ZNF141: variants seen among roughly 807,000 people sequenced by gnomAD.
ZNF141 encodes the protein zinc finger protein 141, also known as zinc finger protein 141 (clone pHZ-44).
ZNF141 carries 7 observed loss-of-function variants against 11.3 expected under a neutral mutation model. That is an observed-to-expected ratio of 0.62 (90% CI 0.35 to 1.16). The LOEUF is 1.16. ZNF141 is among the 50% of genes most tolerant of loss of function. The pLI is 0.02. For missense variants in ZNF141, 535 were observed against 554.0 expected, an observed-to-expected ratio of 0.97 and a Z score of 0.34; for synonymous variants, 183 against 190.7, an observed-to-expected ratio of 0.96 and a Z score of 0.33.
chr4:351,234 A>G (rs1581594985), intron 3 of ZNF141, among the ~76,000 whole-genome samples: 1 of 142,198 alleles, frequency 7.0e-6, no homozygotes, highest in Non-Finnish European at 1.5e-5. Flanking sequence ...AGCCAGTTAA[A>G]CCTTTTTTTT....
intron 1 of ZNF141, among the ~76,000 whole-genome samples, chr4:339,267 C>G (rs530966762): frequency 1.3e-4 from 20 of 152,348 alleles, no homozygotes; most frequent in Non-Finnish European, 2.5e-4. Context: ...CCCACCCAGG[C>G]TTTTGGACCA....
chr4:348,094 T>G (rs1186902450), intron 3 of ZNF141, among the ~76,000 whole-genome samples: 1 of 152,194 alleles, frequency 6.6e-6, no homozygotes, highest in Non-Finnish European at 1.5e-5. Flanking sequence ...TCTGCCTGCC[T>G]CGGCCTCCCA....
rs915266597 is a variant in ZNF141, at chr4:374,100, A to G, written c.*238A>G. 8.7e-5 allele frequency: 47 copies of G among 538,400 alleles called. No individual in the cohort carries two copies. The highest frequency in any genetic ancestry group is 6.1e-4 in the Admixed American group (18 of 29,530). The allele number at this position is 538,400 out of a possible 1,614,324, so 33.4% of individuals were successfully genotyped here. ...GTCCACAAACCTGAATGAGCAGAAGAAAATTATTACTGGAGATAAACCCTG... is the reference window on the plus strand; with the variant it reads ...GTCCACAAACCTGAATGAGCAGAAGGAAATTATTACTGGAGATAAACCCTG... On this transcript the variant is annotated 3_prime_UTR_variant, in exon 4 of 4. Coordinates refer to ENST00000240499, the MANE Select transcript of ZNF141 (RefSeq NM_003441.4).
Position 362,803 on chromosome 4 carries a change from A to G in ZNF141, c.227-9861A>G, listed in dbSNP as rs1444406439. On this transcript the variant is annotated intron_variant, in intron 3 of 3. Coordinates refer to ENST00000240499, the MANE Select transcript of ZNF141 (RefSeq NM_003441.4). ...TAGCCTTGTAGCATGATTTGAAGTC[A>G]GGTAGCGTGATGCCTCCAGCTTTGT... Among the ~76,000 whole-genome samples the G allele has an allele frequency of 3.3e-5, 5 of 152,336 alleles. No homozygotes were observed. The East Asian group carries it at 9.7e-4, about 29-fold the overall frequency.
At chr4:345,562 C>T (rs1250376785) in intron 3 of ZNF141, among the ~76,000 whole-genome samples, 1 of 151,846 alleles carries the variant, frequency 6.6e-6, no homozygotes, top group Non-Finnish European at 1.5e-5. Flanking sequence ...AACCCTGTCT[C>T]TACTAAAAAT....
In ZNF141 at chr4:375,853, A is replaced by G. The variant is rs528825347; in HGVS notation, c.*1991A>G. Among the ~76,000 whole-genome samples, 3 of 150,444 alleles carry G rather than the reference A, an allele frequency of 2.0e-5. No homozygotes were observed. Among genetic ancestry groups the G allele is most frequent in the Non-Finnish European group, 4.4e-5 (3 of 67,898 alleles). On this transcript the variant is annotated 3_prime_UTR_variant, in exon 4 of 4. Coordinates refer to ENST00000240499, the MANE Select transcript of ZNF141 (RefSeq NM_003441.4). Reference sequence around the variant, plus strand: ...GTGGGCATTATTTGTGAATTTTTACAAGAAAGAGTGAGGACAGAAATGAAA... The same window carrying G: ...GTGGGCATTATTTGTGAATTTTTACGAGAAAGAGTGAGGACAGAAATGAAA...
chr4:349,801 C>T (rs1349754236), intron 3 of ZNF141, among the ~76,000 whole-genome samples: 3 of 152,092 alleles, frequency 2.0e-5, no homozygotes, highest in Admixed American at 6.6e-5. Flanking sequence ...GATTAGATTT[C>T]CTTGAGGATA....
chr4:360,571 G>C (rs1315394488), intron 3 of ZNF141, among the ~76,000 whole-genome samples: 1 of 151,908 alleles, frequency 6.6e-6, no homozygotes, highest in African/African-American at 2.4e-5. Context: ...ATTTTACTGG[G>C]GAGTCTCTTT....
chr4:340,622 A>C (rs1031254762), intron 1 of ZNF141, among the ~76,000 whole-genome samples: 2 of 152,224 alleles, frequency 1.3e-5, no homozygotes, highest in African/African-American at 2.4e-5. Flanking sequence ...GGGATTTGAG[A>C]GAAGAACAGA....
chr4:383,333 A>G lies in ZNF141; in HGVS notation c.*9471A>G, dbSNP rs1712748736. On this transcript the variant is annotated 3_prime_UTR_variant, in exon 4 of 4. Coordinates refer to ENST00000240499, the MANE Select transcript of ZNF141 (RefSeq NM_003441.4). The stretch of plus-strand genomic sequence containing the variant: ...TGAGCTAGTATGTTTCGGGATTGTT[A>G]TGCAGTTATAAGTTAGTAATATATA... The G allele has an allele frequency of 1.7e-6, 1 of 580,178 alleles. No homozygotes were observed. The highest frequency in any genetic ancestry group is 3.3e-5 in the Admixed American group (1 of 30,124). 35.9% of individuals were successfully genotyped at this position (580,178 alleles called of 1,614,324 possible). A position where few individuals can be genotyped will look rare whatever the true frequency, so the allele number is the denominator to read the frequency against.
intron 3 of ZNF141, among the ~76,000 whole-genome samples, chr4:369,768 T>A (rs372066184): frequency 0.037 from 1,584 of 42,866 alleles, 6 homozygotes; most frequent in East Asian, 0.11. Flanking sequence ...ATATATATTT[T>A]TTTTTTTTTT....
chr4:372,534 A>G, intron 3 of ZNF141, 130 bp from the exon 4 acceptor site: 1 of 765,354 alleles, frequency 1.3e-6, no homozygotes, highest in Non-Finnish European at 1.9e-6. Context: ...TATGTCTGTG[A>G]AGAAGTTATG....
chr4:374,114 A>G lies in ZNF141; in HGVS notation c.*252A>G. Reference sequence around the variant, plus strand: ...ATGAGCAGAAGAAAATTATTACTGGAGATAAACCCTGCAAATGTAAAGAGT... The same window carrying G: ...ATGAGCAGAAGAAAATTATTACTGGGGATAAACCCTGCAAATGTAAAGAGT... On this transcript the variant is annotated 3_prime_UTR_variant, in exon 4 of 4. Transcript: ENST00000240499. 2 of 517,706 alleles carry G rather than the reference A, an allele frequency of 3.9e-6. No homozygotes were observed. Among genetic ancestry groups the G allele is most frequent in the Non-Finnish European group, 6.9e-6 (2 of 290,454 alleles). 32.1% of individuals were successfully genotyped at this position (517,706 alleles called of 1,614,324 possible).
At position 376,744 on chromosome 4, in the gene ZNF141, A is replaced by G. The variant is rs1712390719; in HGVS notation, c.*2882A>G. Reference sequence around the variant, plus strand: ...AGTTTGTACCTATTTTCCAAAGAAAATAGCAATATTAGAACAAAGAAGATT... The same window carrying G: ...AGTTTGTACCTATTTTCCAAAGAAAGTAGCAATATTAGAACAAAGAAGATT... On this transcript the variant is annotated 3_prime_UTR_variant, in exon 4 of 4. Coordinates refer to ENST00000240499, the MANE Select transcript of ZNF141 (RefSeq NM_003441.4). Among the ~76,000 whole-genome samples, 1 of 152,144 alleles carries G rather than the reference A, an allele frequency of 6.6e-6. No individual in the cohort carries two copies.
chr4:360,417 C>T (rs558080658), intron 3 of ZNF141, among the ~76,000 whole-genome samples: 10 of 152,134 alleles, frequency 6.6e-5, no homozygotes, highest in South Asian at 2.1e-4. Flanking sequence ...GCTTTTATTG[C>T]GGCGCATGGC....
Position 373,990 on chromosome 4 carries a change from C to T in ZNF141, c.*128C>T. The stretch of plus-strand genomic sequence containing the variant: ...AAGAACGTGGCAAAGTTCTTTACCT[C>T]ATTCTCAAACCTTGATAAACATAAG... On this transcript the variant is annotated 3_prime_UTR_variant, in exon 4 of 4. Transcript: ENST00000240499. 1.2e-6 allele frequency: 1 copy of T among 807,560 alleles called. No homozygotes were observed. The highest frequency in any genetic ancestry group is 2.0e-6 in the Non-Finnish European group (1 of 493,730). The allele number at this position is 807,560 out of a possible 1,614,324, so 50.0% of individuals were successfully genotyped here.
In ZNF141 at chr4:375,445, A is replaced by G. The variant is rs1712314993; in HGVS notation, c.*1583A>G. Among the ~76,000 whole-genome samples the G allele has an allele frequency of 6.6e-6, 1 of 152,138 alleles. No homozygotes were observed. The highest frequency in any genetic ancestry group is 1.5e-5 in the Non-Finnish European group (1 of 67,958). The stretch of plus-strand genomic sequence containing the variant: ...AACTGCAGCTTAAACAGTTTACACT[A>G]GAAAATATTTTGTAGATGCAGTAAA... On this transcript the variant is annotated 3_prime_UTR_variant, in exon 4 of 4. Transcript: ENST00000240499.
At chr4:344,496 C>A in intron 3 of ZNF141, 66 bp downstream of exon 3, 3 of 1,448,030 alleles carry the variant, frequency 2.1e-6, no homozygotes, top group Non-Finnish European at 1.9e-6. Flanking sequence ...GGAAGCCAGG[C>A]CTTAAAATGT....
intron 3 of ZNF141, among the ~76,000 whole-genome samples, 195 bp from the exon 4 acceptor site, chr4:372,469 T>C (rs1246237411): frequency 6.6e-6 from 1 of 152,238 alleles, no homozygotes; most frequent in Non-Finnish European, 1.5e-5. Flanking sequence ...TACAATTAAC[T>C]CATTTATAGA....
Sources: gnomAD v4.1 joint callset for allele counts (sites outside exome capture counted in the v4.1 genomes callset) on GRCh38, gnomAD v4.1.1 for gene constraint, MANE v1.5 for transcripts, NCBI Gene and HGNC (gene_info 2026-07-23, HGNC 2026-07-21) for gene names.